The following PALLD variants were observed in gnomAD, a reference collection of about 807,000 sequenced individuals.
PALLD encodes palladin.
Under a neutral mutation model 123.5 loss-of-function variants are expected in PALLD, and 61 were observed. The observed-to-expected ratio is 0.49, with a 90% CI of 0.40 to 0.61. PALLD has a LOEUF of 0.61. Among genes scored for constraint, PALLD ranks in the 20% least tolerant of loss-of-function variants. PALLD has a pLI of 0.00. For missense variants in PALLD, 1,273 were observed against 1,377.0 expected, an observed-to-expected ratio of 0.92 and a Z score of 1.20; for synonymous variants, 465 against 496.4, an observed-to-expected ratio of 0.94 and a Z score of 0.84.
chr4:168,597,253 T>A (rs1772085380), intron 2 of PALLD, among the ~76,000 whole-genome samples: 1 of 152,134 alleles, frequency 6.6e-6, no homozygotes, highest in African/African-American at 2.4e-5. Context: ...TTGGCAAGTA[T>A]ACAAAATTTT....
chr4:168,746,949 G>T (rs1223037238), intron 10 of PALLD, among the ~76,000 whole-genome samples: 1 of 152,172 alleles, frequency 6.6e-6, no homozygotes, highest in Non-Finnish European at 1.5e-5. Flanking sequence ...CCATGCATAG[G>T]TTGGAGATGT....
intron 2 of PALLD, 137 bp downstream of exon 2, chr4:168,512,549 C>A: frequency 1.2e-6 from 1 of 816,962 alleles, no homozygotes; most frequent in Non-Finnish European, 2.0e-6. Flanking sequence ...AGAAGCAGCC[C>A]AGAATCGCCA....
At chr4:168,718,338 AC>A (rs1785570510) in intron 10 of PALLD, among the ~76,000 whole-genome samples, 1 of 152,242 alleles carries the variant, frequency 6.6e-6, no homozygotes, top group Admixed American at 6.5e-5. Context: ...GTAAGCAAAA[AC>A]AAGTTGGGAC....
chr4:168,712,060 G>A (rs1784885573), intron 10 of PALLD, 137 bp downstream of exon 10: 3 of 716,718 alleles, frequency 4.2e-6, no homozygotes, highest in Non-Finnish European at 7.5e-6. Flanking sequence ...GCCAAGTGGT[G>A]TCTTTCAACA....
rs1418901489 is a variant in PALLD at position 168,500,859 on chromosome 4, T to A, written c.-83+3665T>A. ...TATGAATGTGAACCATATACATTTA[T>A]GCCTATAGTACATATTCAGGATCTA... On this transcript the variant is annotated intron_variant, in intron 1 of 21. Coordinates refer to ENST00000505667, the MANE Select transcript of PALLD (RefSeq NM_001166108.2). 2.1e-4 allele frequency among the ~76,000 whole-genome samples: 32 copies of A among 152,228 alleles called. 1 individual carries two copies. The highest frequency in any genetic ancestry group is 2.1e-3 in the Admixed American group (32 of 15,286).
At chr4:168,806,282 T>A (rs2150711679) in intron 10 of PALLD, among the ~76,000 whole-genome samples, 1 of 152,350 alleles carries the variant, frequency 6.6e-6, no homozygotes, top group Non-Finnish European at 1.5e-5. Context: ...CAGGCTGGTC[T>A]CAAACTCCTG....
chr4:168,681,567 A>G (rs965002037), intron 4 of PALLD, among the ~76,000 whole-genome samples, 169 bp downstream of exon 4: 1 of 90,924 alleles, frequency 1.1e-5, no homozygotes, highest in African/African-American at 7.7e-5. Context: ...TTTTTTTGAG[A>G]CAGGGTCTCA....
intron 1 of PALLD, among the ~76,000 whole-genome samples, chr4:168,509,923 TCTTGCATAATGTATTTTG>T (rs1762377166): frequency 6.6e-6 from 1 of 152,200 alleles, no homozygotes; most frequent in Non-Finnish European, 1.5e-5. Flanking sequence ...CCCCCTCGAC[TCTTGCATAATGTATTTTG>T]AAATTAGAGA....
rs544537139 is a variant in PALLD, at chr4:168,691,925, C to T, written c.1501+633C>T. 1.4e-4 allele frequency among the ~76,000 whole-genome samples: 22 copies of T among 152,258 alleles called. No homozygotes were observed. In the East Asian group the frequency reaches 3.9e-3, roughly 27 times the overall value. Reference sequence around the variant, plus strand: ...GACATATTGCGTATTTATGGTTCCTCGTGGAGTGAAATAGTGTTTGTAAAG... The same window carrying T: ...GACATATTGCGTATTTATGGTTCCTTGTGGAGTGAAATAGTGTTTGTAAAG... On this transcript the variant is annotated intron_variant, in intron 8 of 21. Transcript: ENST00000505667.
At chr4:168,639,815 A>G (rs886452601) in intron 2 of PALLD, among the ~76,000 whole-genome samples, 10 of 152,114 alleles carry the variant, frequency 6.6e-5, no homozygotes, top group Admixed American at 3.3e-4. Context: ...AAGTGCTGGG[A>G]TTATAGGCGT....
At chr4:168,751,704 A>G (rs1731085203) in intron 10 of PALLD, among the ~76,000 whole-genome samples, 1 of 152,232 alleles carries the variant, frequency 6.6e-6, no homozygotes, top group African/African-American at 2.4e-5. Context: ...ATGCACACGT[A>G]TCATGTTCAT....
intron 3 of PALLD, among the ~76,000 whole-genome samples, chr4:168,676,869 G>A (rs180726000): frequency 3.5e-4 from 53 of 152,104 alleles, no homozygotes; most frequent in Admixed American, 2.2e-3. Flanking sequence ...GTGAGCCACC[G>A]CGCCCAGCCA....
At chr4:168,600,003 G>GTATATACATACATGTGTGTACACACACA (rs1561290717) in intron 2 of PALLD, among the ~76,000 whole-genome samples, 4 of 139,762 alleles carry the variant, frequency 2.9e-5, no homozygotes, top group Non-Finnish European at 4.9e-5. Context: ...ATACACACAC[G>GTATATACATACATGTGTGTACACACACA]TATATACATA....
chr4:168,690,836 G>C (rs1409714274), intron 7 of PALLD, 92 bp downstream of exon 7: 2 of 1,281,452 alleles, frequency 1.6e-6, no homozygotes, highest in Non-Finnish European at 2.3e-6. Flanking sequence ...AAGATGAATT[G>C]ATCTCTATGT....
chr4:168,599,980 T>A (rs893548556), intron 2 of PALLD, among the ~76,000 whole-genome samples: 1 of 150,104 alleles, frequency 6.7e-6, no homozygotes, highest in Non-Finnish European at 1.5e-5. Context: ...CACACATATA[T>A]ACATACATGT....
intron 1 of PALLD, among the ~76,000 whole-genome samples, chr4:168,507,185 A>G (rs1465545416): frequency 6.6e-6 from 1 of 152,180 alleles, no homozygotes; most frequent in Non-Finnish European, 1.5e-5. Context: ...AAAATAAAAA[A>G]ACTTGTTCCT....
intron 2 of PALLD, chr4:168,598,732 A>T (rs1772243542): frequency 1.2e-5 from 5 of 411,814 alleles, no homozygotes; most frequent in Admixed American, 8.5e-5. Context: ...TCCTATCTGG[A>T]CCTGAGCCTG....
chr4:168,732,635 T>C (rs758084055), intron 10 of PALLD, among the ~76,000 whole-genome samples: 21 of 152,202 alleles, frequency 1.4e-4, no homozygotes, highest in Non-Finnish European at 2.4e-4. Context: ...TTAAGGATGT[T>C]CCAAAGGTAA....
chr4:168,768,365 T>C (rs17542688), intron 10 of PALLD, among the ~76,000 whole-genome samples: 51,355 of 152,074 alleles, frequency 0.34, 9,321 homozygotes, highest in Non-Finnish European at 0.42. Context: ...CTTTGAATGT[T>C]CACATTAATT....
Sources: gnomAD v4.1 joint callset for allele counts (sites outside exome capture counted in the v4.1 genomes callset) on GRCh38, gnomAD v4.1.1 for gene constraint, MANE v1.5 for transcripts, NCBI Gene and HGNC (gene_info 2026-07-23, HGNC 2026-07-21) for gene names.